Variants in ST8SIA2 observed in about 807,000 individuals in gnomAD.
ST8SIA2 encodes the protein ST8 alpha-N-acetyl-neuraminide alpha-2,8-sialyltransferase 2.
Under a neutral mutation model 37.6 loss-of-function variants are expected in ST8SIA2, and 22 were observed. The ratio of observed to expected loss-of-function variants is 0.58; its 90% CI spans 0.42 to 0.83. ST8SIA2 has a LOEUF of 0.83. ST8SIA2 is among the 40% of genes least tolerant of loss of function. ST8SIA2 has a pLI of 0.00. For missense variants in ST8SIA2, 382 were observed against 484.7 expected (o/e 0.79, Z 1.99); for synonymous variants, 205 against 201.2 (o/e 1.02, Z -0.16).
At chr15:92,394,261 C>G (rs1207078342) in intron 1 of ST8SIA2, 99 bp downstream of exon 1, 2 of 1,057,820 alleles carry the variant, frequency 1.9e-6, no homozygotes, top group Non-Finnish European at 2.8e-6. Context: ...GCGCCGCGCC[C>G]CGCTGTAGCT....
chr15:92,423,519 A>T (rs1053716167), intron 1 of ST8SIA2, among the ~76,000 whole-genome samples: 1 of 152,260 alleles, frequency 6.6e-6, no homozygotes, highest in Non-Finnish European at 1.5e-5. Flanking sequence ...TATTTCTCAT[A>T]GTTCCGGAGG....
intron 3 of ST8SIA2, among the ~76,000 whole-genome samples, chr15:92,436,087 C>G (rs1050184573): frequency 2.6e-5 from 4 of 152,286 alleles, no homozygotes; most frequent in South Asian, 2.1e-4. Context: ...TATAAGGACA[C>G]CTGTCATTGT....
chr15:92,413,782 C>T (rs140368222), intron 1 of ST8SIA2, among the ~76,000 whole-genome samples: 142 of 152,346 alleles, frequency 9.3e-4, no homozygotes, highest in Middle Eastern at 3.4e-3. Context: ...GAGCGGCAGA[C>T]AATCCCTTTT....
intron 1 of ST8SIA2, among the ~76,000 whole-genome samples, chr15:92,418,362 T>A (rs1188088312): frequency 6.7e-6 from 1 of 148,634 alleles, no homozygotes; most frequent in Non-Finnish European, 1.5e-5. Context: ...CTTGGGAGGC[T>A]GAGGTGGGAG....
At position 92,465,213 on chromosome 15, in the gene ST8SIA2, T is replaced by A. The variant is rs887152734; in HGVS notation, c.*828T>A. 5 of 152,314 alleles carry A rather than the reference T, an allele frequency of 3.3e-5. No homozygotes were observed. The highest frequency in any genetic ancestry group is 4.4e-5 in the Non-Finnish European group (3 of 68,018). 9.4% of individuals were successfully genotyped at this position (152,314 alleles called of 1,614,324 possible). A position where few individuals can be genotyped will look rare whatever the true frequency, so the allele number is the denominator to read the frequency against. The stretch of plus-strand genomic sequence containing the variant: ...GACCCTAGAATAAGGCAGGAGAGTG[T>A]CTAAAATCTAGCTGCTTTGGGTGTT... On this transcript the variant is annotated 3_prime_UTR_variant, in exon 6 of 6. Transcript: ENST00000268164.
chr15:92,453,463 C>T lies in ST8SIA2; in HGVS notation c.842+8534C>T, dbSNP rs2141846196. On this transcript the variant is annotated intron_variant, in intron 5 of 5. Transcript: ENST00000268164. ...GTTTGACATGGACAAATGCAAGATT[C>T]TGTACTTAGGTTCAAATCATGTATA... Among the ~76,000 whole-genome samples the T allele has an allele frequency of 2.0e-5, 3 of 152,326 alleles. 1 individual carries two copies. Among genetic ancestry groups the T allele is most frequent in the Admixed American group, 2.0e-4 (3 of 15,302 alleles).
chr15:92,465,507 C>A lies in ST8SIA2; in HGVS notation c.*1122C>A, dbSNP rs2049985934. ...AGCATCTAGCTCCATGTCCCTGCAA[C>A]CACTCTCTGTTTGCCTTCTGCATTC... On this transcript the variant is annotated 3_prime_UTR_variant, in exon 6 of 6. Transcript: ENST00000268164. 6.6e-6 allele frequency: 1 copy of A among 152,178 alleles called. No individual in the cohort carries two copies. Among genetic ancestry groups the A allele is most frequent in the African/African-American group, 2.4e-5 (1 of 41,456 alleles). 9.4% of individuals were successfully genotyped at this position (152,178 alleles called of 1,614,324 possible).
Position 92,464,280 on chromosome 15 carries a change from C to T in ST8SIA2, c.1023C>T (p.Ser341=), listed in dbSNP as rs143142502. ...YYDSLKYGYT[S]QASPHTMPLE... ...ACAGCCTCAAGTATGGCTACACCTC[C>T]CAGGCCAGCCCGCATACCATGCCCT... is the stretch of plus-strand genomic sequence containing the variant. Residue 341 remains serine, a synonymous_variant, in exon 6 of 6, where the codon TCC becomes TCT. Coordinates refer to ENST00000268164, the MANE Select transcript of ST8SIA2 (RefSeq NM_006011.4). 301 of 1,614,020 alleles carry T rather than the reference C, an allele frequency of 1.9e-4. 1 individual carries two copies. In the African/African-American group the frequency reaches 3.6e-3, roughly 19 times the overall value.
intron 1 of ST8SIA2, among the ~76,000 whole-genome samples, chr15:92,395,095 G>A (rs1386587713): frequency 1.3e-5 from 2 of 152,160 alleles, no homozygotes; most frequent in African/African-American, 2.4e-5. Context: ...TCGGCTCGCC[G>A]GGCCGGGCCC....
In ST8SIA2 at chr15:92,467,617, G is replaced by T. The variant is rs913562387; in HGVS notation, c.*3232G>T. 4 of 152,070 alleles carry T rather than the reference G, an allele frequency of 2.6e-5. No homozygotes were observed. The highest frequency in any genetic ancestry group is 9.7e-5 in the African/African-American group (4 of 41,382). 9.4% of individuals were successfully genotyped at this position (152,070 alleles called of 1,614,324 possible). A position where few individuals can be genotyped will look rare whatever the true frequency, so the allele number is the denominator to read the frequency against. On this transcript the variant is annotated 3_prime_UTR_variant, in exon 6 of 6. Coordinates refer to ENST00000268164, the MANE Select transcript of ST8SIA2 (RefSeq NM_006011.4). ...ACCATGTATTTATTTATATATGTATGTATTTTTTTATTTATTATTTATTTA... is the reference window on the plus strand; with the variant it reads ...ACCATGTATTTATTTATATATGTATTTATTTTTTTATTTATTATTTATTTA...
chr15:92,398,509 C>A (rs1407597134), intron 1 of ST8SIA2, among the ~76,000 whole-genome samples: 10 of 152,232 alleles, frequency 6.6e-5, no homozygotes, highest in Non-Finnish European at 1.0e-4. Context: ...AGAGCTACTC[C>A]AAGTGCTTTA....
intron 1 of ST8SIA2, among the ~76,000 whole-genome samples, chr15:92,421,719 G>A (rs916301822): frequency 6.6e-6 from 1 of 152,222 alleles, no homozygotes; most frequent in African/African-American, 2.4e-5. Context: ...AAGTTCCCCA[G>A]TGCTTTAAAG....
intron 1 of ST8SIA2, among the ~76,000 whole-genome samples, chr15:92,426,272 T>C (rs866853249): frequency 2.0e-5 from 3 of 151,862 alleles, no homozygotes; most frequent in Non-Finnish European, 2.9e-5. Flanking sequence ...GAATTGAAAA[T>C]TGGGATGGTT....
At chr15:92,454,138 C>A (rs927687629) in intron 5 of ST8SIA2, among the ~76,000 whole-genome samples, 1 of 152,100 alleles carries the variant, frequency 6.6e-6, no homozygotes, top group Non-Finnish European at 1.5e-5. Context: ...GTGGCTTAAC[C>A]GACAGAATGT....
chr15:92,415,265 G>A (rs971889622), intron 1 of ST8SIA2, among the ~76,000 whole-genome samples: 2 of 151,768 alleles, frequency 1.3e-5, no homozygotes, highest in Non-Finnish European at 2.9e-5. Flanking sequence ...TACTGCTTCT[G>A]CTTGATTTTA....
intron 5 of ST8SIA2, among the ~76,000 whole-genome samples, chr15:92,462,448 T>C (rs1277521943): frequency 6.6e-6 from 1 of 152,190 alleles, no homozygotes; most frequent in Non-Finnish European, 1.5e-5. Context: ...AGGAACAATT[T>C]TGCAAAAATA....
chr15:92,464,763 G>A lies in ST8SIA2; in HGVS notation c.*378G>A, dbSNP rs1007700543. 9 of 256,968 alleles carry A rather than the reference G, an allele frequency of 3.5e-5. No homozygotes were observed. The highest frequency in any genetic ancestry group is 9.0e-5 in the African/African-American group (4 of 44,428). 15.9% of individuals were successfully genotyped at this position (256,968 alleles called of 1,614,324 possible). A position where few individuals can be genotyped will look rare whatever the true frequency, so the allele number is the denominator to read the frequency against. On this transcript the variant is annotated 3_prime_UTR_variant, in exon 6 of 6. Transcript: ENST00000268164. ...ATCTTTGGGCTCATGGATGAATGGC[G>A]AGCCACCTGTTGTCAGCTGCCCCAA...
intron 5 of ST8SIA2, 101 bp downstream of exon 5, chr15:92,445,030 C>A: frequency 6.5e-7 from 1 of 1,534,368 alleles, no homozygotes; most frequent in Non-Finnish European, 8.9e-7. Context: ...CCAGCTCCAC[C>A]ACTCATTTGC....
In ST8SIA2 at chr15:92,464,475, A is replaced by C; in HGVS notation, c.*90A>C. 3 of 1,437,090 alleles carry C rather than the reference A, an allele frequency of 2.1e-6. No individual in the cohort carries two copies. Among genetic ancestry groups the C allele is most frequent in the Non-Finnish European group, 2.9e-6 (3 of 1,021,382 alleles). 89.0% of individuals were successfully genotyped at this position (1,437,090 alleles called of 1,614,324 possible). On this transcript the variant is annotated 3_prime_UTR_variant, in exon 6 of 6. Transcript: ENST00000268164. ...GTCGGGGTGGCACAAACAATAGAAC[A>C]AGCAGGCTAGTGGTTTTCTTTGTTA...
Sources: gnomAD v4.1 joint callset for allele counts (sites outside exome capture counted in the v4.1 genomes callset) on GRCh38, gnomAD v4.1.1 for gene constraint, MANE v1.5 for transcripts, NCBI Gene and HGNC (gene_info 2026-07-23, HGNC 2026-07-21) for gene names.